The following LRP2 variants were observed in gnomAD, a reference collection of about 807,000 sequenced individuals.
LRP2 encodes the protein low-density lipoprotein receptor-related protein 2.
A neutral mutation model predicts 531.0 loss-of-function variants in LRP2; 172 were observed. That is an observed-to-expected ratio of 0.32 (90% CI 0.29 to 0.37). LRP2 has a LOEUF of 0.37. Among genes scored for constraint, LRP2 ranks in the 10% least tolerant of loss-of-function variants. LRP2 has a pLI of 1.00. For synonymous variants in LRP2, 1,992 were observed against 2,027.6 expected, an observed-to-expected ratio of 0.98 and a Z score of 0.47; for missense variants, 5,167 against 5,868.3, an observed-to-expected ratio of 0.88 and a Z score of 3.90.
At chr2:169,207,464 T>G (rs1688437858) in intron 38 of LRP2, among the ~76,000 whole-genome samples, 2 of 152,228 alleles carry the variant, frequency 1.3e-5, no homozygotes, top group South Asian at 4.1e-4. Context: ...AGAGAGAAAG[T>G]GCCTATCTTC....
In LRP2 at chr2:169,239,708, A is replaced by G; in HGVS notation, c.4113T>C (p.Ala1371=). 2 of 1,614,080 alleles carry G rather than the reference A, an allele frequency of 1.2e-6. No homozygotes were observed. The highest frequency in any genetic ancestry group is 1.7e-6 in the Non-Finnish European group (2 of 1,179,898). The part of the protein sequence containing the change: ...THECVQEPFG[A]KCLCPLGFLL... ...AGAATCCCAATGGACATAGGCATTT[A>G]GCCCCAAAGGGCTCTTGAACACACT... The change falls in exon 26 of 79, where the codon GCT becomes GCC. Residue 1371 remains alanine, a synonymous_variant. Transcript: ENST00000649046.
At chr2:169,273,336 G>A (rs973410698) in intron 14 of LRP2, among the ~76,000 whole-genome samples, 6 of 152,014 alleles carry the variant, frequency 3.9e-5, no homozygotes, top group Non-Finnish European at 8.8e-5. Flanking sequence ...CAATAATTAT[G>A]TCAGAGTATG....
Position 169,206,045 on chromosome 2 carries a change from T to C in LRP2, c.7534A>G (p.Ile2512Val). Residue 2512 changes from isoleucine to valine, a missense_variant, in exon 40 of 79, where the codon ATT (isoleucine) becomes GTT (valine). Around this residue, in one of 6 missense-constraint regions of LRP2, gnomAD observed 1,129 missense variants for 1,362.7 expected, o/e 0.83. Coordinates refer to ENST00000649046, the MANE Select transcript of LRP2 (RefSeq NM_004525.3). ...TACCCTTGGCAGGGATCTAACACAATTGCTCTTGGTTTTGGAACGCGGGCT... is the reference window on the plus strand; with the variant it reads ...TACCCTTGGCAGGGATCTAACACAACTGCTCTTGGTTTTGGAACGCGGGCT... ...VIARVPKPRA[I>V]VLDPCQGYLY... 6.2e-7 allele frequency: 1 copy of C among 1,614,200 alleles called. No homozygotes were observed. Among genetic ancestry groups the C allele is most frequent in the Admixed American group, 1.7e-5 (1 of 60,028 alleles).
intron 16 of LRP2, among the ~76,000 whole-genome samples, chr2:169,267,868 T>C (rs1683265340): frequency 6.6e-6 from 1 of 151,528 alleles, no homozygotes. Context: ...GCAAGACTAA[T>C]AAAGAAGAAA....
At chr2:169,349,659 C>A (rs1002752773) in intron 1 of LRP2, among the ~76,000 whole-genome samples, 1 of 152,168 alleles carries the variant, frequency 6.6e-6, no homozygotes, top group African/African-American at 2.4e-5. Context: ...GCCACCTGCC[C>A]AAGGTCGTGT....
At chr2:169,231,874 G>A (rs1347337583) in intron 30 of LRP2, 32 bp from the exon 31 acceptor site, 4 of 1,611,952 alleles carry the variant, frequency 2.5e-6, no homozygotes, top group Non-Finnish European at 3.4e-6. Context: ...GCACCAGTAA[G>A]TGGAAAACCT....
intron 4 of LRP2, among the ~76,000 whole-genome samples, chr2:169,296,050 A>G (rs1452907169): frequency 6.6e-6 from 1 of 152,044 alleles, no homozygotes; most frequent in East Asian, 1.9e-4. Flanking sequence ...AAGTCTTTTC[A>G]AGCAGAAGCC....
chr2:169,231,670 T>C (rs1689409396), intron 31 of LRP2, 44 bp downstream of exon 31: 4 of 1,612,412 alleles, frequency 2.5e-6, no homozygotes, highest in African/African-American at 2.7e-5. Flanking sequence ...GCACAAACTA[T>C]GACCAGCTCC....
At chr2:169,145,132 G>C (rs1558976813) in intron 70 of LRP2, among the ~76,000 whole-genome samples, 1 of 152,218 alleles carries the variant, frequency 6.6e-6, no homozygotes, top group Non-Finnish European at 1.5e-5. Context: ...ACACTGAAGA[G>C]AGAATTTGAC....
At chr2:169,144,393 C>G (rs1685832235) in intron 70 of LRP2, among the ~76,000 whole-genome samples, 2 of 137,524 alleles carry the variant, frequency 1.5e-5, no homozygotes, top group South Asian at 5.3e-4. Context: ...CACCCCCACC[C>G]CCACTCCACC....
chr2:169,219,080 G>A (rs893970771), intron 34 of LRP2, among the ~76,000 whole-genome samples: 2 of 152,198 alleles, frequency 1.3e-5, no homozygotes, highest in East Asian at 1.9e-4. Flanking sequence ...AATAATGAGT[G>A]AGCCTGAGTT....
chr2:169,349,268 G>A (rs1685780130), intron 1 of LRP2, among the ~76,000 whole-genome samples: 1 of 152,034 alleles, frequency 6.6e-6, no homozygotes, highest in African/African-American at 2.4e-5. Flanking sequence ...ACACTGAGAG[G>A]GTGACCTATG....
At position 169,185,488 on chromosome 2, in the gene LRP2, T is replaced by C; in HGVS notation, c.9845+15A>G. 6.2e-7 allele frequency: 1 copy of C among 1,612,382 alleles called. No individual in the cohort carries two copies. Among genetic ancestry groups the C allele is most frequent in the Non-Finnish European group, 8.5e-7 (1 of 1,179,808 alleles). On this transcript the variant is annotated intron_variant, in intron 50 of 78. Transcript: ENST00000649046. ...TAATTTTTAACTTTTAAAAAGCTCATCAGTGTTTTCTTACCTGGAAACCCA... is the reference window on the plus strand; with the variant it reads ...TAATTTTTAACTTTTAAAAAGCTCACCAGTGTTTTCTTACCTGGAAACCCA...
At chr2:169,221,859 C>A (rs993711312) in intron 33 of LRP2, among the ~76,000 whole-genome samples, 2 of 152,144 alleles carry the variant, frequency 1.3e-5, no homozygotes, top group African/African-American at 4.8e-5. Flanking sequence ...GACTAAGGAT[C>A]TCTTTGGTTC....
intron 19 of LRP2, among the ~76,000 whole-genome samples, chr2:169,248,091 C>T (rs1377916631): frequency 1.3e-5 from 2 of 152,092 alleles, no homozygotes; most frequent in African/African-American, 2.4e-5. Context: ...GTTTGAGGAT[C>T]AATAAAAATC....
rs1685073925 is a variant in LRP2 at position 169,326,750 on chromosome 2, C to T, written c.80-5866G>A. ...AGTGAGGAGCGTCTCTGCCCGGCCG[C>T]CATCCCATCTAGGAAGTGAGGAGCG... On this transcript the variant is annotated intron_variant, in intron 1 of 78. Coordinates refer to ENST00000649046, the MANE Select transcript of LRP2 (RefSeq NM_004525.3). Among the ~76,000 whole-genome samples the T allele has an allele frequency of 4.7e-5, 7 of 149,862 alleles. No homozygotes were observed. In the South Asian group the frequency reaches 1.5e-3, roughly 32 times the overall value.
At chr2:169,348,198 T>A (rs1191511062) in intron 1 of LRP2, among the ~76,000 whole-genome samples, 1 of 152,208 alleles carries the variant, frequency 6.6e-6, no homozygotes, top group African/African-American at 2.4e-5. Context: ...ACTCAAATAA[T>A]TTAGTCACTT....
At chr2:169,178,993 A>ATTTC (rs1339963123) in intron 52 of LRP2, among the ~76,000 whole-genome samples, 1 of 147,042 alleles carries the variant, frequency 6.8e-6, no homozygotes, top group Non-Finnish European at 1.5e-5. Flanking sequence ...TGATTTATTT[A>ATTTC]TTTATTTATT....
At chr2:169,166,954 T>G (rs1240141815) in intron 61 of LRP2, among the ~76,000 whole-genome samples, 6 of 152,182 alleles carry the variant, frequency 3.9e-5, no homozygotes, top group African/African-American at 1.4e-4. Context: ...TAAGATTGGT[T>G]GAGGGGAAAG....
Sources: allele counts gnomAD v4.1 joint callset (sites outside exome capture counted in the v4.1 genomes callset), GRCh38; gene constraint gnomAD v4.1.1; regional missense constraint gnomAD v4.1.1; transcripts MANE v1.5; gene names NCBI Gene and HGNC (gene_info 2026-07-23, HGNC 2026-07-21).